Variants in ZNF850 observed in about 807,000 individuals in gnomAD.
ZNF850 encodes zinc finger protein 850.
Under a neutral mutation model 11.9 loss-of-function variants are expected in ZNF850, and 2 were observed. The observed-to-expected ratio is 0.17, with a 90% CI of 0.07 to 0.53. The LOEUF is 0.53. ZNF850 is among the 20% of genes least tolerant of loss of function. The probability of loss-of-function intolerance (pLI) is 0.94; values close to 1 mark genes in which losing one functional copy is unlikely to be tolerated. For synonymous variants in ZNF850, 381 were observed against 443.0 expected (o/e 0.86, Z 1.76); for missense variants, 1,014 against 1,316.4 (o/e 0.77, Z 3.55).
chr19:36,760,515 A>T (rs938076512), intron 4 of ZNF850, among the ~76,000 whole-genome samples: 5 of 151,990 alleles, frequency 3.3e-5, no homozygotes, highest in Non-Finnish European at 7.4e-5. Flanking sequence ...CATAACTGTC[A>T]CCCACCAAGA....
Position 36,749,893 on chromosome 19 carries a change from G to A in ZNF850, c.1147C>T (p.His383Tyr). ...SFTFHSALIRHQRIHTGEKPY... is the reference protein window; with the variant it reads ...SFTFHSALIRYQRIHTGEKPY... ...TTCTCACCAGTGTGAATTCGCTGAT[G>A]TCGAATTAGAGCTGAGTGAAAAGTA... is the stretch of plus-strand genomic sequence containing the variant. Residue 383 changes from histidine (H) to tyrosine (Y), a missense_variant, in exon 5 of 5, where the codon CAT becomes TAT. Transcript: ENST00000591344. 1 of 1,579,168 alleles carries A rather than the reference G, an allele frequency of 6.3e-7. No individual in the cohort carries two copies. The highest frequency in any genetic ancestry group is 1.3e-5 in the African/African-American group (1 of 74,076).
At chr19:36,753,445 A>AAAAAAAAAC in intron 4 of ZNF850, among the ~76,000 whole-genome samples, 2 of 146,608 alleles carry the variant, frequency 1.4e-5, no homozygotes, top group Non-Finnish European at 1.5e-5. Flanking sequence ...AAAAAAAAAA[A>AAAAAAAAAC]AGCCGGGTGT....
Position 36,749,357 on chromosome 19 carries a change from A to G in ZNF850, c.1683T>C (p.Tyr561=), listed in dbSNP as rs2040436326. 6.4e-7 allele frequency: 1 copy of G among 1,550,578 alleles called. No homozygotes were observed. The highest frequency in any genetic ancestry group is 8.7e-7 in the Non-Finnish European group (1 of 1,152,520). The change falls in exon 5 of 5, where the codon TAT becomes TAC. Residue 561 remains tyrosine, a synonymous_variant. Transcript: ENST00000591344. ...AAGATTTTCCACATTCTTTACAATC[A>G]TAGGGTTTCTCACCAGTGTGAACTG... The part of the protein sequence containing the change: ...HQAVHTGEKP[Y]DCKECGKSFT...
chr19:36,771,127 T>C (rs1325959279), intron 1 of ZNF850, among the ~76,000 whole-genome samples: 1 of 152,204 alleles, frequency 6.6e-6, no homozygotes, highest in African/African-American at 2.4e-5. Flanking sequence ...TTTTGCCTTC[T>C]TTCTCTCACG....
At chr19:36,751,051 G>A (rs1003330245) in intron 4 of ZNF850, among the ~76,000 whole-genome samples, 2 of 121,736 alleles carry the variant, frequency 1.6e-5, no homozygotes, top group Non-Finnish European at 1.6e-5. Context: ...GGGCCACAGA[G>A]CAAGACCCTG....
chr19:36,763,257 T>C (rs1248640276), intron 1 of ZNF850, among the ~76,000 whole-genome samples: 1 of 152,016 alleles, frequency 6.6e-6, no homozygotes, highest in African/African-American at 2.4e-5. Flanking sequence ...AAAACCTCTA[T>C]TGGCTGGGCG....
At chr19:36,761,809 A>T in intron 3 of ZNF850, 71 bp from the exon 4 acceptor site, 1 of 857,914 alleles carries the variant, frequency 1.2e-6, no homozygotes, top group East Asian at 2.7e-5. Context: ...ACTTTGGGAG[A>T]CCAAAACAGG....
At chr19:36,753,452 G>A (rs1220351330) in intron 4 of ZNF850, among the ~76,000 whole-genome samples, 1 of 84,600 alleles carries the variant, frequency 1.2e-5, no homozygotes, top group East Asian at 2.8e-4. Context: ...AAAAAGCCGG[G>A]TGTGGTGGCA....
Position 36,749,699 on chromosome 19 carries a change from T to G in ZNF850, c.1341A>C (p.Lys447Asn). The change falls in exon 5 of 5, where the codon AAA (lysine) becomes AAC (asparagine). Residue 447 changes from lysine to asparagine, a missense_variant. Coordinates refer to ENST00000591344, the MANE Select transcript of ZNF850 (RefSeq NM_001193552.2). ...TCCCACACTCCTTACAATCATAGGG[T>G]TTCTCACCAGTGTGAATTCGCTGAT... ...IQHQRIHTGE[K>N]PYDCKECGKS... 6.4e-7 allele frequency: 1 copy of G among 1,560,360 alleles called. No homozygotes were observed. Among genetic ancestry groups the G allele is most frequent in the Admixed American group, 1.9e-5 (1 of 52,400 alleles).
chr19:36,749,713 G>C lies in ZNF850; in HGVS notation c.1327C>G (p.His443Asp). The stretch of plus-strand genomic sequence containing the variant: ...CAATCATAGGGTTTCTCACCAGTGT[G>C]AATTCGCTGATGTTGAATTAGTGTT... ...GSTLIQHQRIHTGEKPYDCKE... is the reference protein window; with the variant it reads ...GSTLIQHQRIDTGEKPYDCKE... The change falls in exon 5 of 5, where the codon CAC becomes GAC. Residue 443 changes from histidine to aspartate, a missense_variant. His to Asp is a moderately conservative substitution (Grantham distance 81). This residue lies in a region of ZNF850 where 835 missense variants were observed against 1,022.0 expected (regional missense o/e 0.82). Coordinates refer to ENST00000591344, the MANE Select transcript of ZNF850 (RefSeq NM_001193552.2). 1 of 1,559,938 alleles carries C rather than the reference G, an allele frequency of 6.4e-7. No homozygotes were observed.
intron 4 of ZNF850, among the ~76,000 whole-genome samples, chr19:36,761,361 A>G (rs1042164744): frequency 6.6e-6 from 1 of 151,836 alleles, no homozygotes. Flanking sequence ...AGTCGCTTCA[A>G]CCTGGGGACG....
chr19:36,765,018 G>A (rs2040541411), intron 1 of ZNF850, among the ~76,000 whole-genome samples: 1 of 151,978 alleles, frequency 6.6e-6, no homozygotes, highest in Non-Finnish European at 1.5e-5. Flanking sequence ...CCCTGTATTA[G>A]GGTCATACTA....
chr19:36,754,171 CA>C (rs61598199), intron 4 of ZNF850, among the ~76,000 whole-genome samples: 2,104 of 73,070 alleles, frequency 0.029, 20 homozygotes, highest in Middle Eastern at 0.049. Flanking sequence ...GACCCTGTCT[CA>C]AAAAAAAAAA....
At chr19:36,753,449 C>T (rs1293954082) in intron 4 of ZNF850, among the ~76,000 whole-genome samples, 4 of 35,388 alleles carry the variant, frequency 1.1e-4, no homozygotes, top group South Asian at 8.9e-4. Context: ...AAAAAAAAGC[C>T]GGGTGTGGTG....
At chr19:36,769,862 G>A (rs1228995374) in intron 1 of ZNF850, among the ~76,000 whole-genome samples, 1 of 152,118 alleles carries the variant, frequency 6.6e-6, no homozygotes, top group Non-Finnish European at 1.5e-5. Flanking sequence ...TATCTACCAT[G>A]AGATACTGTC....
At chr19:36,753,433 A>AAAAAAC (rs2040466323) in intron 4 of ZNF850, among the ~76,000 whole-genome samples, 1 of 146,154 alleles carries the variant, frequency 6.8e-6, no homozygotes, top group African/African-American at 2.5e-5. Context: ...AAAAAAAAAA[A>AAAAAAC]AAAAAAAAAA....
rs1477890621 is a variant in ZNF850, at chr19:36,750,286, G to T, written c.754C>A (p.Pro252Thr). Residue 252 changes from proline to threonine, a missense_variant, in exon 5 of 5, where the codon CCT (proline) becomes ACT (threonine). Around this residue, in one of 2 missense-constraint regions of ZNF850, gnomAD observed 835 missense variants for 1,022.0 expected, o/e 0.82. Transcript: ENST00000591344. The stretch of plus-strand genomic sequence containing the variant: ...TTCACGGATTCCTGACACTCATGAG[G>T]TCTCTCATCTGTATACATTTTCTGG... The part of the protein sequence containing the change: ...QHQKMYTDER[P>T]HECQESVKAF... The T allele has an allele frequency of 6.5e-6, 10 of 1,536,882 alleles. No individual in the cohort carries two copies. The highest frequency in any genetic ancestry group is 7.0e-6 in the Non-Finnish European group (8 of 1,146,918).
intron 1 of ZNF850, among the ~76,000 whole-genome samples, chr19:36,768,830 C>T (rs1282947455): frequency 6.6e-6 from 1 of 151,790 alleles, no homozygotes; most frequent in Non-Finnish European, 1.5e-5. Flanking sequence ...CAGCATGGTG[C>T]CATATGCCTG....
At chr19:36,765,006 C>T (rs184643727) in intron 1 of ZNF850, among the ~76,000 whole-genome samples, 8 of 152,082 alleles carry the variant, frequency 5.3e-5, no homozygotes. Flanking sequence ...TTCTAACTTG[C>T]CCCCTGTATT....
Sources: allele counts gnomAD v4.1 joint callset (sites outside exome capture counted in the v4.1 genomes callset), GRCh38; gene constraint gnomAD v4.1.1; regional missense constraint gnomAD v4.1.1; transcripts MANE v1.5; gene names NCBI Gene and HGNC (gene_info 2026-07-23, HGNC 2026-07-21).